TIAM2: variants seen among roughly 807,000 people sequenced by gnomAD.
TIAM2 encodes the protein rho guanine nucleotide exchange factor TIAM2.
A neutral mutation model predicts 152.9 loss-of-function variants in TIAM2; 80 were observed. The ratio of observed to expected loss-of-function variants is 0.52; its 90% CI spans 0.44 to 0.63. The LOEUF (loss-of-function observed/expected upper bound fraction) is 0.63, where lower values mean the gene tolerates loss of function less well. Among genes scored for constraint, TIAM2 ranks in the 30% least tolerant of loss-of-function variants. The pLI is 0.00. For synonymous variants in TIAM2, 804 were observed against 838.0 expected (o/e 0.96, Z 0.70); for missense variants, 1,965 against 2,120.1 (o/e 0.93, Z 1.44).
At chr6:155,190,085 C>T (rs1398675721) in intron 14 of TIAM2, among the ~76,000 whole-genome samples, 4 of 152,200 alleles carry the variant, frequency 2.6e-5, no homozygotes, top group Admixed American at 2.6e-4. Flanking sequence ...TTGCATGTAT[C>T]TGAAAAACCA....
At chr6:155,181,759 A>T (rs920199542) in intron 12 of TIAM2, among the ~76,000 whole-genome samples, 3 of 152,228 alleles carry the variant, frequency 2.0e-5, no homozygotes, top group African/African-American at 7.2e-5. Flanking sequence ...CTACTCACGT[A>T]AATAGTATCA....
intron 17 of TIAM2, 90 bp downstream of exon 17, chr6:155,244,169 G>C (rs1032047798): frequency 1.6e-6 from 2 of 1,236,070 alleles, no homozygotes; most frequent in African/African-American, 3.0e-5. Context: ...TATCTCTGTT[G>C]ATCCCAAAAG....
At chr6:155,076,650 G>C (rs976919325) in intron 1 of TIAM2, among the ~76,000 whole-genome samples, 2 of 152,136 alleles carry the variant, frequency 1.3e-5, no homozygotes, top group African/African-American at 4.8e-5. Flanking sequence ...CAAACCCTTA[G>C]TCACATCCCT....
At chr6:155,095,128 T>A (rs1778392665) in intron 2 of TIAM2, among the ~76,000 whole-genome samples, 1 of 152,124 alleles carries the variant, frequency 6.6e-6, no homozygotes, top group East Asian at 1.9e-4. Flanking sequence ...TGGAACTAAG[T>A]TCCATTCTGC....
At chr6:155,085,476 A>G (rs1385575824) in intron 1 of TIAM2, among the ~76,000 whole-genome samples, 1 of 152,112 alleles carries the variant, frequency 6.6e-6, no homozygotes, top group Admixed American at 6.5e-5. Context: ...AAAGTTTTAT[A>G]AACTCTGGGC....
At chr6:155,076,697 C>CT (rs1164475695) in intron 1 of TIAM2, among the ~76,000 whole-genome samples, 5 of 151,382 alleles carry the variant, frequency 3.3e-5, no homozygotes, top group Admixed American at 2.0e-4. Context: ...CTTTTCTTTT[C>CT]TTTTTTTTTA....
intron 5 of TIAM2, among the ~76,000 whole-genome samples, chr6:155,141,394 T>TAC (rs67844080): frequency 0.34 from 51,585 of 150,104 alleles, 8,942 homozygotes; most frequent in Middle Eastern, 0.39. Flanking sequence ...CATATATGTG[T>TAC]ACACACACAC....
chr6:155,005,121 C>G (rs1235270227), intron 1 of TIAM2: 2 of 245,730 alleles, frequency 8.1e-6, no homozygotes, highest in Non-Finnish European at 8.5e-6. Context: ...AGGCAAGGCT[C>G]TCTCCAATTA....
At chr6:155,041,948 G>A (rs1489832375) in intron 1 of TIAM2, among the ~76,000 whole-genome samples, 1 of 152,162 alleles carries the variant, frequency 6.6e-6, no homozygotes, top group Non-Finnish European at 1.5e-5. Context: ...ATTGGAATCT[G>A]TTCCCTCACT....
chr6:155,253,767 G>A lies in TIAM2; in HGVS notation c.4226-206G>A, dbSNP rs1334947767. On this transcript the variant is annotated intron_variant, in intron 24 of 26. Transcript: ENST00000682666. ...AGGCAGTTCAGATGGAGGAAAATCT[G>A]CAGCAGGAAATGTAAAAAGTAACCA... The A allele has an allele frequency of 9.9e-6, 5 of 503,242 alleles. No individual in the cohort carries two copies. The East Asian group carries it at 1.0e-4, about 10-fold the overall frequency. The allele number at this position is 503,242 out of a possible 1,614,324, so 31.2% of individuals were successfully genotyped here. A position where few individuals can be genotyped will look rare whatever the true frequency, so the allele number is the denominator to read the frequency against.
intron 1 of TIAM2, among the ~76,000 whole-genome samples, chr6:155,065,367 T>C (rs370987762): frequency 1.3e-5 from 2 of 152,316 alleles, no homozygotes; most frequent in East Asian, 1.9e-4. Flanking sequence ...TCCTGCCCCA[T>C]GTGATCATTT....
At chr6:155,115,346 G>A (rs1318633207) in intron 2 of TIAM2, among the ~76,000 whole-genome samples, 1 of 152,002 alleles carries the variant, frequency 6.6e-6, no homozygotes, top group Non-Finnish European at 1.5e-5. Flanking sequence ...ACAGGCATGA[G>A]CCACTGCATT....
At chr6:155,105,085 T>C (rs1778651174) in intron 2 of TIAM2, among the ~76,000 whole-genome samples, 1 of 151,724 alleles carries the variant, frequency 6.6e-6, no homozygotes, top group African/African-American at 2.4e-5. Flanking sequence ...AGCTCCCAAG[T>C]AACTGGGACT....
intron 2 of TIAM2, among the ~76,000 whole-genome samples, chr6:155,125,628 C>T (rs1022739028): frequency 3.3e-5 from 5 of 152,026 alleles, no homozygotes; most frequent in African/African-American, 4.8e-5. Flanking sequence ...CACTTAAGGC[C>T]GGAAGTTCGA....
intron 15 of TIAM2, among the ~76,000 whole-genome samples, chr6:155,237,811 G>T (rs1782844803): frequency 6.6e-6 from 1 of 152,204 alleles, no homozygotes; most frequent in Non-Finnish European, 1.5e-5. Context: ...GGGGACCCTG[G>T]GCTTGGCCCA....
At chr6:155,088,884 G>A (rs1168450750) in intron 1 of TIAM2, among the ~76,000 whole-genome samples, 3 of 152,262 alleles carry the variant, frequency 2.0e-5, no homozygotes, top group South Asian at 2.1e-4. Context: ...CTCTTCCAGT[G>A]TGACTCAGGG....
intron 9 of TIAM2, among the ~76,000 whole-genome samples, chr6:155,173,394 T>A (rs886583930): frequency 3.9e-5 from 6 of 152,202 alleles, no homozygotes; most frequent in Non-Finnish European, 8.8e-5. Context: ...CACAGCACCT[T>A]GTTTAATGGA....
intron 1 of TIAM2, among the ~76,000 whole-genome samples, chr6:155,047,043 G>A (rs544333303): frequency 6.6e-6 from 1 of 152,284 alleles, no homozygotes; most frequent in South Asian, 2.1e-4. Flanking sequence ...GTTTGGTCTG[G>A]GGCCAGGACA....
intron 1 of TIAM2, among the ~76,000 whole-genome samples, chr6:155,086,316 C>A (rs1224147614): frequency 6.6e-6 from 1 of 152,190 alleles, no homozygotes; most frequent in African/African-American, 2.4e-5. Flanking sequence ...CTTTACTGGA[C>A]TTCACTTTCT....
Sources: allele counts gnomAD v4.1 joint callset (sites outside exome capture counted in the v4.1 genomes callset), GRCh38; gene constraint gnomAD v4.1.1; transcripts MANE v1.5; gene names NCBI Gene and HGNC (gene_info 2026-07-23, HGNC 2026-07-21).